Variants in ARMC2 observed in about 807,000 individuals in gnomAD.
ARMC2 encodes the protein armadillo repeat containing 2, also known as armadillo repeat-containing protein 2.
In ARMC2, 67 loss-of-function variants were observed where a neutral mutation model predicts 90.3. The observed-to-expected ratio is 0.74, with a 90% CI of 0.61 to 0.91. The LOEUF is 0.91. Among genes scored for constraint, ARMC2 ranks in the 40% least tolerant of loss-of-function variants. ARMC2 has a pLI of 0.00. For missense variants in ARMC2, 920 were observed against 1,030.9 expected (o/e 0.89, Z 1.47); for synonymous variants, 393 against 393.0 (o/e 1.00, Z 0.00).
At chr6:108,983,020 T>C in the ARMC2 span, among the ~76,000 whole-genome samples, 1 of 151,562 alleles carries the variant, frequency 6.6e-6, no homozygotes, top group Non-Finnish European at 1.5e-5. Context: ...GGTTTTCCTA[T>C]GTTGGCCAGG....
chr6:109,001,969 G>A, the ARMC2 span, among the ~76,000 whole-genome samples: 1 of 152,202 alleles, frequency 6.6e-6, no homozygotes, highest in Non-Finnish European at 1.5e-5. Context: ...TCAAGACTAA[G>A]TAACTCAGGT....
the ARMC2 span, among the ~76,000 whole-genome samples, chr6:109,030,568 A>G: frequency 1.3e-5 from 2 of 152,206 alleles, no homozygotes; most frequent in Admixed American, 1.3e-4. Flanking sequence ...GGTGAAAAAG[A>G]GGAAGAATAA....
chr6:108,949,335 G>T (rs570821960), intron 12 of ARMC2, among the ~76,000 whole-genome samples: 1 of 152,278 alleles, frequency 6.6e-6, no homozygotes, highest in South Asian at 2.1e-4. Flanking sequence ...AGAAATGGAA[G>T]TTATCATTTT....
At chr6:108,854,015 G>A (rs923485588) in intron 1 of ARMC2, among the ~76,000 whole-genome samples, 4 of 151,856 alleles carry the variant, frequency 2.6e-5, no homozygotes, top group African/African-American at 9.7e-5. Context: ...TTTCTTTCCT[G>A]CACATCTTTG....
At chr6:109,002,162 C>G in the ARMC2 span, 1 of 830,776 alleles carries the variant, frequency 1.2e-6, no homozygotes, top group Non-Finnish European at 2.0e-6. Flanking sequence ...TTAACTGCAA[C>G]CAACTCTGAC....
the ARMC2 span, among the ~76,000 whole-genome samples, chr6:108,992,541 A>G: frequency 6.6e-6 from 1 of 152,220 alleles, no homozygotes; most frequent in Non-Finnish European, 1.5e-5. Context: ...GTATCAACTC[A>G]TCTGAATTAA....
At chr6:108,850,851 T>A (rs774642447) in intron 1 of ARMC2, among the ~76,000 whole-genome samples, 16 of 151,450 alleles carry the variant, frequency 1.1e-4, no homozygotes, top group Non-Finnish European at 1.9e-4. Flanking sequence ...AGTGGGAGAG[T>A]GGAGTGGCAG....
At chr6:109,046,612 G>T in the ARMC2 span, among the ~76,000 whole-genome samples, 18 of 141,038 alleles carry the variant, frequency 1.3e-4, 2 homozygotes, top group Non-Finnish European at 2.4e-4. Flanking sequence ...GTCTGCGCCC[G>T]GCCGCCATCC....
intron 5 of ARMC2, among the ~76,000 whole-genome samples, chr6:108,879,579 C>A (rs1458611484): frequency 7.6e-6 from 1 of 131,484 alleles, no homozygotes; most frequent in Non-Finnish European, 1.6e-5. Context: ...TCTATCTATT[C>A]ACCCACCTGT....
At chr6:108,975,229 C>T (rs2128523105), downstream of ARMC2, among the ~76,000 whole-genome samples, 2 of 151,898 alleles carry the variant, frequency 1.3e-5, 1 homozygote, top group South Asian at 4.2e-4. Flanking sequence ...TTGTTCAGCT[C>T]CCACTTATGA....
At chr6:109,002,341 T>A in the ARMC2 span, 2 of 1,612,974 alleles carry the variant, frequency 1.2e-6, no homozygotes, top group African/African-American at 1.3e-5. Flanking sequence ...TAATGCCAAG[T>A]TCCTAGAAAA....
intron 12 of ARMC2, among the ~76,000 whole-genome samples, chr6:108,940,225 C>T (rs1424352162): frequency 1.3e-5 from 2 of 152,192 alleles, no homozygotes; most frequent in African/African-American, 4.8e-5. Context: ...GAGATCGTGC[C>T]ACTGCACTCC....
At chr6:109,046,977 G>A in the ARMC2 span, among the ~76,000 whole-genome samples, 3 of 97,344 alleles carry the variant, frequency 3.1e-5, no homozygotes, top group Non-Finnish European at 4.3e-5. Flanking sequence ...CAGCCACCCC[G>A]TCCGGGAGGG....
intron 2 of ARMC2, among the ~76,000 whole-genome samples, chr6:108,857,533 T>G (rs79632443): frequency 0.012 from 1,797 of 152,324 alleles, 31 homozygotes; most frequent in African/African-American, 0.042. Flanking sequence ...GCTGGGATGT[T>G]CTGTATGATA....
the ARMC2 span, among the ~76,000 whole-genome samples, chr6:109,008,450 AT>A: frequency 0.1 from 15,193 of 152,242 alleles, 910 homozygotes; most frequent in Middle Eastern, 0.19. Flanking sequence ...TCTCAAAAAA[AT>A]ATTTGGTGCT....
chr6:108,959,124 C>T (rs1777801214), intron 13 of ARMC2, among the ~76,000 whole-genome samples: 1 of 152,118 alleles, frequency 6.6e-6, no homozygotes, highest in Non-Finnish European at 1.5e-5. Flanking sequence ...CTTTCTTTTT[C>T]CAAGTATCCA....
chr6:108,971,808 C>T (rs1246753179), intron 17 of ARMC2, among the ~76,000 whole-genome samples: 10 of 151,754 alleles, frequency 6.6e-5, no homozygotes, highest in African/African-American at 2.4e-4. Flanking sequence ...GTAATCCCAG[C>T]TGCTCAGGAG....
chr6:108,929,884 G>T (rs539892963), intron 11 of ARMC2, among the ~76,000 whole-genome samples: 1 of 152,212 alleles, frequency 6.6e-6, no homozygotes, highest in South Asian at 2.1e-4. Context: ...AAGGTGGGTG[G>T]ATCACTTAAG....
chr6:108,959,154 T>C (rs1024437006), intron 13 of ARMC2, among the ~76,000 whole-genome samples: 1 of 152,236 alleles, frequency 6.6e-6, no homozygotes, highest in African/African-American at 2.4e-5. Flanking sequence ...TACCAGGTAC[T>C]GGGCCTATGC....
Sources: gnomAD v4.1 joint callset for allele counts (sites outside exome capture counted in the v4.1 genomes callset) on GRCh38, gnomAD v4.1.1 for gene constraint, MANE v1.5 for transcripts, NCBI Gene and HGNC (gene_info 2026-07-23, HGNC 2026-07-21) for gene names.